LPP: variants seen among roughly 807,000 people sequenced by gnomAD.
LPP encodes the protein LIM domain containing preferred translocation partner in lipoma, also known as lipoma-preferred partner.
Under a neutral mutation model 60.4 loss-of-function variants are expected in LPP, and 38 were observed. The observed-to-expected ratio is 0.63, with a 90% CI of 0.49 to 0.83. The LOEUF is 0.83. Ranked by LOEUF, LPP falls within the 40% of genes least tolerant of loss-of-function variation. The pLI, the probability that LPP is intolerant of heterozygous loss-of-function variation, is 0.00. For synonymous variants in LPP, 328 were observed against 290.8 expected, an observed-to-expected ratio of 1.13 and a Z score of -1.30; for missense variants, 902 against 783.6, an observed-to-expected ratio of 1.15 and a Z score of -1.80.
chr3:188,205,571 T>A (rs1732977595), intron 1 of LPP, among the ~76,000 whole-genome samples: 1 of 152,184 alleles, frequency 6.6e-6, no homozygotes, highest in African/African-American at 2.4e-5. Context: ...CCTGAGCCAC[T>A]GCACCCAGCT....
chr3:188,640,553 A>G (rs1849882438), intron 7 of LPP, among the ~76,000 whole-genome samples: 1 of 150,778 alleles, frequency 6.6e-6, no homozygotes, highest in African/African-American at 2.4e-5. Context: ...TTGGGACGAA[A>G]AAAAAAAAAG....
chr3:188,631,663 A>G (rs1281278157), intron 7 of LPP, among the ~76,000 whole-genome samples: 1 of 152,122 alleles, frequency 6.6e-6, no homozygotes, highest in Non-Finnish European at 1.5e-5. Flanking sequence ...CTACTAGTCT[A>G]ATTTCCATGC....
intron 8 of LPP, among the ~76,000 whole-genome samples, chr3:188,738,465 A>G (rs1019550134): frequency 6.6e-6 from 1 of 152,146 alleles, no homozygotes; most frequent in Non-Finnish European, 1.5e-5. Context: ...AACTGCAGAA[A>G]CCTTGTTCCT....
At chr3:188,205,954 A>G (rs1733085112) in intron 1 of LPP, among the ~76,000 whole-genome samples, 1 of 152,182 alleles carries the variant, frequency 6.6e-6, no homozygotes, top group African/African-American at 2.4e-5. Context: ...ATTTAAAGGA[A>G]AAGTTCTGCT....
chr3:188,858,280 T>C (rs888568395), intron 9 of LPP, among the ~76,000 whole-genome samples: 1 of 152,222 alleles, frequency 6.6e-6, no homozygotes, highest in Admixed American at 6.5e-5. Context: ...TTCTCTGATA[T>C]GTTCATTATG....
chr3:188,248,460 G>A (rs1727794895), intron 2 of LPP, among the ~76,000 whole-genome samples: 1 of 69,184 alleles, frequency 1.4e-5, no homozygotes, highest in African/African-American at 6.3e-5. Flanking sequence ...TTCAGCTGCA[G>A]TATAACTTTA....
intron 2 of LPP, among the ~76,000 whole-genome samples, chr3:188,261,091 G>C (rs1733464871): frequency 6.6e-6 from 1 of 152,072 alleles, no homozygotes; most frequent in African/African-American, 2.4e-5. Flanking sequence ...AAATGTTTCT[G>C]AGCACTAAAG....
In LPP at chr3:188,677,519, T is replaced by C. The variant is rs564755501; in HGVS notation, c.1114-30748T>C. On this transcript the variant is annotated intron_variant, in intron 7 of 11. Coordinates refer to ENST00000617246, the MANE Select transcript of LPP (RefSeq NM_001375462.1). Reference sequence around the variant, plus strand: ...AATAAGATTGAAACTGATAGAGAAATACTTGTTGAATCAAGTTGAATTACA... The same window carrying C: ...AATAAGATTGAAACTGATAGAGAAACACTTGTTGAATCAAGTTGAATTACA... Among the ~76,000 whole-genome samples the C allele has an allele frequency of 1.1e-4, 17 of 152,318 alleles. No individual in the cohort carries two copies. In the East Asian group the frequency reaches 3.3e-3, roughly 29 times the overall value.
chr3:188,639,941 A>T (rs1849699557), intron 7 of LPP, among the ~76,000 whole-genome samples: 1 of 152,164 alleles, frequency 6.6e-6, no homozygotes, highest in African/African-American at 2.4e-5. Flanking sequence ...TAGTTCAACC[A>T]TTGTGGAAGT....
At chr3:188,768,058 T>C (rs1336242121) in intron 9 of LPP, among the ~76,000 whole-genome samples, 1 of 152,084 alleles carries the variant, frequency 6.6e-6, no homozygotes, top group Non-Finnish European at 1.5e-5. Flanking sequence ...ACAGATGACA[T>C]TTTAAAATTA....
intron 7 of LPP, among the ~76,000 whole-genome samples, chr3:188,660,000 C>A (rs889278038): frequency 1.3e-5 from 2 of 151,946 alleles, no homozygotes; most frequent in Non-Finnish European, 2.9e-5. Context: ...TTGGTTAGGT[C>A]CTTTAAAGCG....
At chr3:188,390,759 T>C (rs1779504955) in intron 3 of LPP, among the ~76,000 whole-genome samples, 1 of 152,184 alleles carries the variant, frequency 6.6e-6, no homozygotes, top group South Asian at 2.1e-4. Flanking sequence ...TCTTTTACTA[T>C]ACCTATTGGT....
At chr3:188,874,237 A>G (rs890145209) in intron 11 of LPP, 114 bp from the exon 12 acceptor site, 2 of 849,682 alleles carry the variant, frequency 2.4e-6, no homozygotes, top group Non-Finnish European at 3.7e-6. Flanking sequence ...AGCAGGAAGG[A>G]TAGTAAGTGG....
rs1487639848 is a variant in LPP at position 188,287,774 on chromosome 3, T to A, written c.-66-53889T>A. ...CTTGAATTTAGAGCACATAGAGGCCTAGAAATGGCAGGCTGTATTAGGAGA... is the reference window on the plus strand; with the variant it reads ...CTTGAATTTAGAGCACATAGAGGCCAAGAAATGGCAGGCTGTATTAGGAGA... On this transcript the variant is annotated intron_variant, in intron 2 of 11. Transcript: ENST00000617246. Among the ~76,000 whole-genome samples, 4 of 152,242 alleles carry A rather than the reference T, an allele frequency of 2.6e-5. No homozygotes were observed. The East Asian group carries it at 5.8e-4, about 22-fold the overall frequency.
Position 188,420,877 on chromosome 3 carries a change from G to A in LPP, c.193+14564G>A, listed in dbSNP as rs533098985. Among the ~76,000 whole-genome samples, 7 of 151,992 alleles carry A rather than the reference G, an allele frequency of 4.6e-5. No homozygotes were observed. The South Asian group carries it at 1.5e-3, about 32-fold the overall frequency. ...TGTACACAATTATATCATGATACAT[G>A]GTTTTTAAACACATTTTATATATGT... On this transcript the variant is annotated intron_variant, in intron 4 of 11. Transcript: ENST00000617246.
intron 3 of LPP, among the ~76,000 whole-genome samples, chr3:188,389,097 T>G (rs1176750742): frequency 2.0e-5 from 3 of 152,058 alleles, no homozygotes; most frequent in African/African-American, 7.2e-5. Context: ...ATTTCCCTGA[T>G]TATTATTTAA....
intron 6 of LPP, among the ~76,000 whole-genome samples, chr3:188,566,297 C>A (rs1237637905): frequency 6.6e-6 from 1 of 151,776 alleles, no homozygotes; most frequent in African/African-American, 2.4e-5. Flanking sequence ...TATGTGGGAG[C>A]AAGAGTCAGC....
rs1553833860 is a variant in LPP at position 188,757,897 on chromosome 3, T to TTTTTG, written c.1241-2212_1241-2211insGTTTT. Among the ~76,000 whole-genome samples the TTTTTG allele has an allele frequency of 1.8e-3, 257 of 144,304 alleles. 1 individual carries two copies. Among genetic ancestry groups the TTTTTG allele is most frequent in the Middle Eastern group, 6.9e-3 (2 of 288 alleles). 94.7% of individuals were successfully genotyped at this position (144,304 alleles called of 152,430 possible). A position where few individuals can be genotyped will look rare whatever the true frequency, so the allele number is the denominator to read the frequency against. On this transcript the variant is annotated intron_variant, in intron 8 of 11. Coordinates refer to ENST00000617246, the MANE Select transcript of LPP (RefSeq NM_001375462.1). ...GTGGTTTTGTTTTTTTGGTTTTTTTTTTTTTTTTTTTTCAGAATAATTTCA... is the reference window on the plus strand; with the variant it reads ...GTGGTTTTGTTTTTTTGGTTTTTTTTTTTTGTTTTTTTTTTTTCAGAATAATTTCA...
chr3:188,796,968 T>C (rs1002050185), intron 9 of LPP, among the ~76,000 whole-genome samples: 2 of 152,162 alleles, frequency 1.3e-5, no homozygotes, highest in Admixed American at 1.3e-4. Context: ...ATGACCTATC[T>C]TTCCCTTCTA....
Sources: gnomAD v4.1 joint callset for allele counts (sites outside exome capture counted in the v4.1 genomes callset) on GRCh38, gnomAD v4.1.1 for gene constraint, MANE v1.5 for transcripts, NCBI Gene and HGNC (gene_info 2026-07-23, HGNC 2026-07-21) for gene names.